SYCP3: variants seen among roughly 807,000 people sequenced by gnomAD.
SYCP3 encodes the protein synaptonemal complex protein 3.
Under a neutral mutation model 38.5 loss-of-function variants are expected in SYCP3, and 29 were observed. The observed-to-expected ratio is 0.75, with a 90% confidence interval of 0.56 to 1.03. SYCP3 has a LOEUF of 1.03. Ranked by LOEUF, SYCP3 falls within the 50% of genes least tolerant of loss-of-function variation. SYCP3 has a pLI of 0.00. For missense variants in SYCP3, 242 were observed against 270.7 expected (o/e 0.89, Z 0.74); for synonymous variants, 79 against 80.3 (o/e 0.98, Z 0.08).
At chr12:101,729,375 C>A in intron 7 of SYCP3, 162 bp from the exon 8 acceptor site, 3 of 692,708 alleles carry the variant, frequency 4.3e-6, no homozygotes, top group Admixed American at 3.1e-5. Context: ...AAAATACCTA[C>A]TAAAAAAGAA....
intron 4 of SYCP3, among the ~76,000 whole-genome samples, chr12:101,735,851 T>TTATATATATATATATA (rs1157750107): frequency 9.4e-4 from 90 of 95,848 alleles, no homozygotes; most frequent in African/African-American, 1.5e-3. Context: ...ATAATCAATT[T>TTATATATATATATATA]TATATATATA....
In SYCP3 at chr12:101,737,813, A is replaced by C. The variant is rs1485869352; in HGVS notation, c.123T>G (p.Asp41Glu). 1.9e-6 allele frequency: 3 copies of C among 1,614,052 alleles called. No homozygotes were observed. In the African/African-American group the frequency reaches 4.0e-5, roughly 22 times the overall value. Residue 41 changes from aspartate to glutamate, a missense_variant, in exon 2 of 9, where the codon GAT (aspartate) becomes GAG (glutamate). Asp to Glu is a conservative substitution (Grantham distance 45, BLOSUM62 2). Coordinates refer to ENST00000392924, the MANE Select transcript of SYCP3 (RefSeq NM_001177949.2). Reference protein sequence around the residue: ...DKKDLSGSEEDVIEGKTAVIE... With the variant: ...DKKDLSGSEEEVIEGKTAVIE... Reference sequence around the variant, plus strand: ...TGAGATGTACTGCACCTTCAATAACATCTTCCTCTGATCCACTCAGATCTT... The same window carrying C: ...TGAGATGTACTGCACCTTCAATAACCTCTTCCTCTGATCCACTCAGATCTT...
Position 101,737,274 on chromosome 12 carries a change from C to T in SYCP3, c.158G>A (p.Arg53His), listed in dbSNP as rs368005828. The T allele has an allele frequency of 3.6e-5, 57 of 1,604,886 alleles. No homozygotes were observed. Among genetic ancestry groups the T allele is most frequent in the Non-Finnish European group, 4.5e-5 (53 of 1,175,516 alleles). ...IEGKTAVIEK[R>H]RKKRSSAGVV... is the part of the protein sequence containing the mutation. ...TCCTGCAGAAGACCTTTTCTTCCTA[C>T]GTTTCTCAATGACTGCAGTCTTCCC... Residue 53 changes from arginine (R) to histidine (H), a missense_variant, in exon 3 of 9, where the codon CGT (arginine) becomes CAT (histidine). By Grantham distance (29) the Arg-to-His change is conservative. Transcript: ENST00000392924.
intron 5 of SYCP3, among the ~76,000 whole-genome samples, chr12:101,734,539 G>A (rs766965052): frequency 1.6e-4 from 25 of 152,154 alleles, no homozygotes; most frequent in Non-Finnish European, 3.2e-4. Flanking sequence ...ATCATACTTA[G>A]AGAAAAATCA....
intron 5 of SYCP3, among the ~76,000 whole-genome samples, chr12:101,734,273 C>T (rs1057152053): frequency 3.3e-5 from 5 of 152,178 alleles, no homozygotes; most frequent in African/African-American, 1.2e-4. Context: ...ACATAAATTA[C>T]TTTTAGGCTG....
chr12:101,736,897 A>G, intron 4 of SYCP3, 140 bp downstream of exon 4: 1 of 775,650 alleles, frequency 1.3e-6, no homozygotes, highest in Admixed American at 2.6e-5. Context: ...ATGCTAAATC[A>G]CAAATACTTA....
chr12:101,738,210 G>A (rs1405855076), intron 1 of SYCP3, among the ~76,000 whole-genome samples: 3 of 152,012 alleles, frequency 2.0e-5, no homozygotes, highest in African/African-American at 7.2e-5. Context: ...GATCACCTGA[G>A]GTCAGGAGTT....
intron 7 of SYCP3, chr12:101,730,488 A>G (rs1456053306): frequency 2.5e-6 from 1 of 406,048 alleles, no homozygotes; most frequent in Non-Finnish European, 4.7e-6. Flanking sequence ...ATGTGTGTGT[A>G]TAATTTTTTT....
At chr12:101,734,878 C>T in intron 5 of SYCP3, 49 bp downstream of exon 5, 1 of 1,186,078 alleles carries the variant, frequency 8.4e-7, no homozygotes, top group Non-Finnish European at 1.3e-6. Context: ...GTAATTTATA[C>T]CAGTAAATAC....
At chr12:101,730,039 G>T (rs556772777) in intron 7 of SYCP3, among the ~76,000 whole-genome samples, 2 of 152,220 alleles carry the variant, frequency 1.3e-5, no homozygotes, top group Admixed American at 1.3e-4. Flanking sequence ...GTCATAGGGG[G>T]ATCTTCAATA....
At position 101,728,758 on chromosome 12, in the gene SYCP3, C is replaced by A; in HGVS notation, c.*169G>T. ...TTCTTTAGGAATAGTTGCTAACTAA[C>A]TCATAACTATTTAGATTTGACTTAA... On this transcript the variant is annotated 3_prime_UTR_variant, in exon 9 of 9. Coordinates refer to ENST00000392924, the MANE Select transcript of SYCP3 (RefSeq NM_001177949.2). The A allele has an allele frequency of 1.1e-6, 1 of 891,228 alleles. No individual in the cohort carries two copies. The highest frequency in any genetic ancestry group is 1.7e-6 in the Non-Finnish European group (1 of 590,504). 55.2% of individuals were successfully genotyped at this position (891,228 alleles called of 1,614,324 possible).
intron 1 of SYCP3, 79 bp from the exon 2 acceptor site, chr12:101,738,031 G>T: frequency 2.0e-6 from 3 of 1,507,358 alleles, no homozygotes; most frequent in Non-Finnish European, 2.7e-6. Flanking sequence ...AAATATCAAA[G>T]GAGATATCGA....
At chr12:101,737,691 G>C in intron 2 of SYCP3, 112 bp downstream of exon 2, 1 of 1,454,804 alleles carries the variant, frequency 6.9e-7, no homozygotes, top group Non-Finnish European at 9.6e-7. Context: ...AATACCGGGG[G>C]AGGGAAGACC....
chr12:101,729,181 A>G lies in SYCP3; in HGVS notation c.585T>C (p.Asn195=). 2 of 1,613,086 alleles carry G rather than the reference A, an allele frequency of 1.2e-6. No homozygotes were observed. Among genetic ancestry groups the G allele is most frequent in the Non-Finnish European group, 1.7e-6 (2 of 1,179,520 alleles). ...SMEELEKNHD[N]LLTGAQNEFK... is the part of the protein sequence containing the mutation. The stretch of plus-strand genomic sequence containing the variant: ...ATTCATTTTGTGCACCAGTAAGTAG[A>G]TTATCATGATTCTTCTCCAACTCTT... Residue 195 remains asparagine, a synonymous_variant, in exon 8 of 9, where the codon AAT becomes AAC. Coordinates refer to ENST00000392924, the MANE Select transcript of SYCP3 (RefSeq NM_001177949.2).
intron 4 of SYCP3, among the ~76,000 whole-genome samples, chr12:101,736,622 T>C (rs977555437): frequency 6.6e-6 from 1 of 151,914 alleles, no homozygotes; most frequent in Non-Finnish European, 1.5e-5. Flanking sequence ...TACACTGTCC[T>C]CCCTAAAGAA....
At chr12:101,736,118 GAAAT>G (rs1300164036) in intron 4 of SYCP3, among the ~76,000 whole-genome samples, 1 of 151,668 alleles carries the variant, frequency 6.6e-6, no homozygotes, top group Non-Finnish European at 1.5e-5. Context: ...TTTTCAATGA[GAAAT>G]AGGTGAATAA....
intron 7 of SYCP3, chr12:101,730,777 G>A: frequency 5.6e-6 from 1 of 177,760 alleles, no homozygotes; most frequent in Non-Finnish European, 1.2e-5. Context: ...CAGCCACTGT[G>A]CTCGGCCATA....
In SYCP3 at chr12:101,728,877, T is replaced by A. The variant is rs1182357366; in HGVS notation, c.*50A>T. On this transcript the variant is annotated 3_prime_UTR_variant, in exon 9 of 9. Transcript: ENST00000392924. ...CTTACAATATGCTTCTTAGCTAACG[T>A]TATAATTGTATCATATTACTTAGGT... 6.2e-7 allele frequency: 1 copy of A among 1,611,758 alleles called. No individual in the cohort carries two copies. The highest frequency in any genetic ancestry group is 8.5e-7 in the Non-Finnish European group (1 of 1,178,406).
rs573283426 is a variant in SYCP3, at chr12:101,734,213, C to T, written c.354-539G>A. ...ACATAATTCACCATCATAAGACTAA[C>T]GGTTTTTATGACATTTACCTTTTAT... On this transcript the variant is annotated intron_variant, in intron 5 of 8. Coordinates refer to ENST00000392924, the MANE Select transcript of SYCP3 (RefSeq NM_001177949.2). Among the ~76,000 whole-genome samples, 6 of 152,128 alleles carry T rather than the reference C, an allele frequency of 3.9e-5. No homozygotes were observed. The East Asian group carries it at 5.8e-4, about 15-fold the overall frequency.
Sources: gnomAD v4.1 joint callset for allele counts (sites outside exome capture counted in the v4.1 genomes callset) on GRCh38, gnomAD v4.1.1 for gene constraint, MANE v1.5 for transcripts, NCBI Gene and HGNC (gene_info 2026-07-23, HGNC 2026-07-21) for gene names.